Variants in GRB10 observed in about 807,000 individuals in gnomAD.
GRB10 encodes the protein growth factor receptor-bound protein 10.
A neutral mutation model predicts 80.9 loss-of-function variants in GRB10; 20 were observed. The ratio of observed to expected loss-of-function variants is 0.25; its 90% CI spans 0.17 to 0.36. The LOEUF is 0.36. Ranked by LOEUF, GRB10 falls within the 10% of genes least tolerant of loss-of-function variation. GRB10 has a pLI of 1.00. For missense variants in GRB10, 548 were observed against 747.7 expected, an observed-to-expected ratio of 0.73 and a Z score of 3.12; for synonymous variants, 291 against 291.5, an observed-to-expected ratio of 1.00 and a Z score of 0.02.
At chr7:50,761,272 T>C (rs900015751) in intron 2 of GRB10, among the ~76,000 whole-genome samples, 4 of 152,346 alleles carry the variant, frequency 2.6e-5, no homozygotes, top group African/African-American at 7.2e-5. Flanking sequence ...AGGAAAAAAA[T>C]AGAAAACTTT....
At chr7:50,668,754 A>G (rs1479630018) in intron 7 of GRB10, among the ~76,000 whole-genome samples, 1 of 152,178 alleles carries the variant, frequency 6.6e-6, no homozygotes, top group Non-Finnish European at 1.5e-5. Flanking sequence ...ATCCTGGCTC[A>G]CAGCCCTGCC....
At chr7:50,781,399 C>A (rs560147574) in intron 1 of GRB10, 22 of 152,312 alleles carry the variant, frequency 1.4e-4, no homozygotes, top group African/African-American at 4.8e-4. Flanking sequence ...AGGGGGAATG[C>A]GTGGGCCCTG....
At chr7:50,609,648 T>G (rs1232356106) in intron 13 of GRB10, among the ~76,000 whole-genome samples, 1 of 152,208 alleles carries the variant, frequency 6.6e-6, no homozygotes, top group Non-Finnish European at 1.5e-5. Context: ...GGGACTCTTG[T>G]GTGGATGAGG....
chr7:50,633,907 C>G (rs985351368), intron 7 of GRB10, among the ~76,000 whole-genome samples: 1 of 151,946 alleles, frequency 6.6e-6, no homozygotes, highest in East Asian at 1.9e-4. Flanking sequence ...ATTATTTAAA[C>G]CTAGGACTTA....
intron 7 of GRB10, among the ~76,000 whole-genome samples, chr7:50,643,285 C>A (rs2056617390): frequency 6.6e-6 from 1 of 152,162 alleles, no homozygotes. Context: ...ACGTAACAGA[C>A]AACACCCTAA....
At chr7:50,675,723 CAT>C (rs1192320195) in intron 5 of GRB10, among the ~76,000 whole-genome samples, 1 of 152,072 alleles carries the variant, frequency 6.6e-6, no homozygotes, top group East Asian at 1.9e-4. Flanking sequence ...TCCTAAAACA[CAT>C]GTGTCTCTCT....
chr7:50,772,405 A>C (rs984765973), intron 2 of GRB10, among the ~76,000 whole-genome samples: 1 of 152,244 alleles, frequency 6.6e-6, no homozygotes, highest in African/African-American at 2.4e-5. Flanking sequence ...ATCATTCCCG[A>C]AACATTCCAC....
intron 3 of GRB10, among the ~76,000 whole-genome samples, chr7:50,749,117 G>GTTTTTTT (rs759030878): frequency 1.3e-4 from 8 of 62,284 alleles, no homozygotes; most frequent in South Asian, 1.6e-3. Context: ...TTTTTGTTTT[G>GTTTTTTT]TTTTGTTTTT....
intron 3 of GRB10, among the ~76,000 whole-genome samples, chr7:50,738,690 AGCTGATTTATCAAAATATGT>A (rs1331434174): frequency 6.6e-6 from 1 of 152,238 alleles, no homozygotes; most frequent in African/African-American, 2.4e-5. Context: ...CTAAATCATC[AGCTGATTTATCAAAATATGT>A]GATTCATATT....
chr7:50,605,510 T>C, intron 14 of GRB10, 104 bp from the exon 15 acceptor site: 1 of 969,040 alleles, frequency 1.0e-6, no homozygotes, highest in Non-Finnish European at 1.7e-6. Flanking sequence ...GAGCAGGGAA[T>C]GCCTGCTTTC....
intron 4 of GRB10, among the ~76,000 whole-genome samples, chr7:50,704,876 C>T (rs1384857758): frequency 6.6e-6 from 1 of 152,196 alleles, no homozygotes; most frequent in Admixed American, 6.5e-5. Context: ...CCCTCACAAC[C>T]CTCATCACCC....
chr7:50,614,923 G>A (rs1447697070), intron 11 of GRB10, 43 bp from the exon 12 acceptor site: 1 of 1,266,826 alleles, frequency 7.9e-7, no homozygotes, highest in Admixed American at 1.7e-5. Context: ...GCACAGCAAA[G>A]AGCAAATGTG....
At chr7:50,678,364 A>G (rs2061176661) in intron 5 of GRB10, among the ~76,000 whole-genome samples, 1 of 152,248 alleles carries the variant, frequency 6.6e-6, no homozygotes, top group Non-Finnish European at 1.5e-5. Flanking sequence ...TGGTAACTCA[A>G]TAGGTTATAA....
intron 17 of GRB10, among the ~76,000 whole-genome samples, chr7:50,596,008 G>A (rs1006477357): frequency 1.3e-5 from 2 of 152,020 alleles, no homozygotes; most frequent in African/African-American, 2.4e-5. Context: ...AAATTAATAC[G>A]GGAGAAGATG....
intron 5 of GRB10, among the ~76,000 whole-genome samples, chr7:50,686,643 C>T (rs2062134480): frequency 6.6e-6 from 1 of 152,122 alleles, no homozygotes; most frequent in Non-Finnish European, 1.5e-5. Context: ...TAGAACATTA[C>T]ATTATTAATC....
chr7:50,770,413 C>G (rs2076874210), intron 2 of GRB10, among the ~76,000 whole-genome samples: 1 of 152,198 alleles, frequency 6.6e-6, no homozygotes, highest in African/African-American at 2.4e-5. Flanking sequence ...AAGCATCTAT[C>G]TGAATTCAGT....
chr7:50,737,343 G>A (rs2070970003), intron 3 of GRB10, among the ~76,000 whole-genome samples: 1 of 152,180 alleles, frequency 6.6e-6, no homozygotes, highest in Non-Finnish European at 1.5e-5. Flanking sequence ...CTGTTTAAAA[G>A]TGTGTAGCAC....
chr7:50,717,216 A>AT (rs78764887), intron 4 of GRB10, among the ~76,000 whole-genome samples: 6,192 of 152,328 alleles, frequency 0.041, 214 homozygotes, highest in East Asian at 0.17. Context: ...GCAAGGGGGT[A>AT]TCAAGGACAG....
chr7:50,707,802 G>A (rs1056546765), intron 4 of GRB10, among the ~76,000 whole-genome samples: 2 of 152,164 alleles, frequency 1.3e-5, no homozygotes, highest in Non-Finnish European at 2.9e-5. Context: ...GGAGCCCTAA[G>A]GCCCTGCAGG....
Sources: gnomAD v4.1 joint callset for allele counts (sites outside exome capture counted in the v4.1 genomes callset) on GRCh38, gnomAD v4.1.1 for gene constraint, MANE v1.5 for transcripts, NCBI Gene and HGNC (gene_info 2026-07-23, HGNC 2026-07-21) for gene names.